The following PTPRG variants were observed in gnomAD, a reference collection of about 807,000 sequenced individuals.
PTPRG encodes receptor-type tyrosine-protein phosphatase gamma.
In PTPRG, 102 loss-of-function variants were observed where a neutral mutation model predicts 165.3. That is an observed-to-expected ratio of 0.62 (90% CI 0.53 to 0.73). The LOEUF (loss-of-function observed/expected upper bound fraction) is 0.73. Ranked by LOEUF, PTPRG falls within the 30% of genes least tolerant of loss-of-function variation. The pLI is 0.00. For missense variants in PTPRG, 1,866 were observed against 1,861.4 expected, an observed-to-expected ratio of 1.00 and a Z score of -0.05; for synonymous variants, 675 against 669.5, an observed-to-expected ratio of 1.01 and a Z score of -0.13.
intron 5 of PTPRG, among the ~76,000 whole-genome samples, chr3:62,122,819 A>G (rs1182683545): frequency 6.6e-6 from 1 of 152,166 alleles, no homozygotes; most frequent in Admixed American, 6.5e-5. Context: ...ATGAGGGGCA[A>G]GAACTCATCT....
At chr3:62,209,042 C>T (rs1700297080) in intron 12 of PTPRG, among the ~76,000 whole-genome samples, 1 of 152,204 alleles carries the variant, frequency 6.6e-6, no homozygotes, top group Non-Finnish European at 1.5e-5. Context: ...GCTTTGGCGC[C>T]AGTTCCCAGA....
chr3:61,986,454 C>T (rs1559729834), intron 2 of PTPRG, among the ~76,000 whole-genome samples: 2 of 151,904 alleles, frequency 1.3e-5, no homozygotes, highest in African/African-American at 2.4e-5. Context: ...AACTTTTAGC[C>T]AGGGGTTTCA....
intron 2 of PTPRG, among the ~76,000 whole-genome samples, chr3:61,784,690 G>A (rs553642730): frequency 1.3e-5 from 2 of 152,262 alleles, no homozygotes; most frequent in Non-Finnish European, 2.9e-5. Flanking sequence ...TATTTCTTCT[G>A]CCTTTCCATT....
At chr3:61,877,179 A>G (rs2037764624) in intron 2 of PTPRG, among the ~76,000 whole-genome samples, 1 of 152,224 alleles carries the variant, frequency 6.6e-6, no homozygotes, top group South Asian at 2.1e-4. Flanking sequence ...TGCAGGGAAG[A>G]AAAATTATAT....
rs553677876 is a variant in PTPRG, at chr3:61,790,430, C to G, written c.190+41448C>G. 2.6e-5 allele frequency among the ~76,000 whole-genome samples: 4 copies of G among 152,218 alleles called. No homozygotes were observed. In the South Asian group the frequency reaches 6.2e-4, roughly 24 times the overall value. On this transcript the variant is annotated intron_variant, in intron 2 of 29. Transcript: ENST00000474889. ...TTAGTCCAGTGGTTTGGATTAAAAT[C>G]AAAGTTCATAACAAAACTCAGACCA...
chr3:61,993,541 T>G (rs114329676), intron 3 of PTPRG, among the ~76,000 whole-genome samples: 9,861 of 152,140 alleles, frequency 0.065, 708 homozygotes, highest in African/African-American at 0.17. Context: ...TTTGAAAGAT[T>G]GTACAATTAA....
chr3:62,071,600 A>T (rs954686594), intron 4 of PTPRG, among the ~76,000 whole-genome samples: 1 of 152,236 alleles, frequency 6.6e-6, no homozygotes, highest in Non-Finnish European at 1.5e-5. Flanking sequence ...ATGATATTTT[A>T]GTCTTCCTAA....
Position 62,255,740 on chromosome 3 carries a change from G to T in PTPRG, c.2559+525G>T, listed in dbSNP as rs868529273. Among the ~76,000 whole-genome samples, 9 of 152,158 alleles carry T rather than the reference G, an allele frequency of 5.9e-5. No individual in the cohort carries two copies. Among genetic ancestry groups the T allele is most frequent in the African/African-American group, 1.9e-4 (8 of 41,442 alleles). ...TTGTAACGTCGTTGGAAAAATAAAT[G>T]ATTAACATCTTTAAAAGTGCCAAGT... On this transcript the variant is annotated intron_variant, in intron 16 of 29. Transcript: ENST00000474889. This position sits in a 1 kb window ranked among gnomAD's most constrained non-coding sequence, Gnocchi z 4.0.
At chr3:62,010,598 A>G (rs1182707896) in intron 4 of PTPRG, among the ~76,000 whole-genome samples, 2 of 152,098 alleles carry the variant, frequency 1.3e-5, no homozygotes, top group Non-Finnish European at 2.9e-5. Flanking sequence ...GCAGCATCTC[A>G]TGAGCCCAGG....
At chr3:61,925,900 G>C (rs1308342493) in intron 2 of PTPRG, 1 of 499,068 alleles carries the variant, frequency 2.0e-6, no homozygotes, top group African/African-American at 1.9e-5. Flanking sequence ...AATCCCTGTT[G>C]ATGAGGTAAC....
chr3:61,906,817 AGG>A (rs1475408531), intron 2 of PTPRG, among the ~76,000 whole-genome samples: 14 of 139,700 alleles, frequency 1.0e-4, no homozygotes, highest in Admixed American at 4.2e-4. Flanking sequence ...GTAGGTAGGT[AGG>A]TAGGTAGGTA....
chr3:62,083,822 T>G lies in PTPRG; in HGVS notation c.615+5564T>G, dbSNP rs570616953. Among the ~76,000 whole-genome samples the G allele has an allele frequency of 9.8e-4, 149 of 152,346 alleles. 1 individual carries two copies. In the Middle Eastern group the frequency reaches 0.01, roughly 10 times the overall value. ...CTTTCTCACTAGGACCAAAGTGTCTTTTAACCATGCAACCTTCTTAATGGA... is the reference window on the plus strand; with the variant it reads ...CTTTCTCACTAGGACCAAAGTGTCTGTTAACCATGCAACCTTCTTAATGGA... On this transcript the variant is annotated intron_variant, in intron 5 of 29. Coordinates refer to ENST00000474889, the MANE Select transcript of PTPRG (RefSeq NM_002841.4).
chr3:61,599,019 C>T (rs1321340447), intron 1 of PTPRG, among the ~76,000 whole-genome samples: 1 of 152,154 alleles, frequency 6.6e-6, no homozygotes, highest in South Asian at 2.1e-4. Context: ...CAATTCAACA[C>T]ATACAGATGG....
At chr3:61,616,036 C>T (rs575278730) in intron 1 of PTPRG, among the ~76,000 whole-genome samples, 8 of 152,280 alleles carry the variant, frequency 5.3e-5, no homozygotes, top group Non-Finnish European at 8.8e-5. Context: ...CTGCAACCTC[C>T]GCCTTCTGGG....
chr3:61,869,473 C>T (rs772119058), intron 2 of PTPRG, among the ~76,000 whole-genome samples: 5 of 152,128 alleles, frequency 3.3e-5, no homozygotes, highest in Non-Finnish European at 7.3e-5. Flanking sequence ...AAGATGGCTC[C>T]AGTGGCTTCT....
intron 8 of PTPRG, among the ~76,000 whole-genome samples, chr3:62,179,052 T>A (rs1705549198): frequency 6.6e-6 from 1 of 152,178 alleles, no homozygotes; most frequent in African/African-American, 2.4e-5. Flanking sequence ...TCTTCCCCAT[T>A]CATCCCACTC....
chr3:62,150,947 G>C (rs554627509), intron 6 of PTPRG, among the ~76,000 whole-genome samples: 3 of 152,076 alleles, frequency 2.0e-5, no homozygotes, highest in Non-Finnish European at 4.4e-5. Flanking sequence ...ACTGTTCATC[G>C]TATTTTATAA....
chr3:61,681,787 A>G (rs1703450008), intron 1 of PTPRG, among the ~76,000 whole-genome samples: 1 of 152,126 alleles, frequency 6.6e-6, no homozygotes, highest in Non-Finnish European at 1.5e-5. Context: ...TGAATTTTGG[A>G]TTAGTAATGT....
At chr3:62,078,415 A>G (rs1220939523) in intron 5 of PTPRG, among the ~76,000 whole-genome samples, 157 bp downstream of exon 5, 2 of 152,298 alleles carry the variant, frequency 1.3e-5, no homozygotes, top group Non-Finnish European at 2.9e-5. Context: ...TTAAAATGTA[A>G]ATAAGTATGT....
Sources: allele counts gnomAD v4.1 joint callset (sites outside exome capture counted in the v4.1 genomes callset), GRCh38; gene constraint gnomAD v4.1.1; non-coding constraint Gnocchi (gnomAD v3.1); transcripts MANE v1.5; gene names NCBI Gene and HGNC (gene_info 2026-07-23, HGNC 2026-07-21).